Variants in SLC35B4 observed in about 807,000 individuals in gnomAD.
SLC35B4 encodes the protein solute carrier family 35 member B4, also known as nucleotide sugar transporter SLC35B4.
Under a neutral mutation model 39.5 loss-of-function variants are expected in SLC35B4, and 28 were observed. The observed-to-expected ratio is 0.71, with a 90% confidence interval of 0.53 to 0.97. SLC35B4 has a LOEUF of 0.97. Among genes scored for constraint, SLC35B4 ranks in the 50% least tolerant of loss-of-function variants. The pLI, the probability that SLC35B4 is intolerant of heterozygous loss-of-function variation, is 0.00. For missense variants in SLC35B4, 334 were observed against 414.3 expected (o/e 0.81, Z 1.68); for synonymous variants, 145 against 150.4 (o/e 0.96, Z 0.26).
chr7:134,315,654 A>AAAC (rs1385511770), intron 1 of SLC35B4, among the ~76,000 whole-genome samples: 15 of 142,256 alleles, frequency 1.1e-4, no homozygotes, highest in African/African-American at 4.1e-4. Flanking sequence ...AAAAAAAAAC[A>AAAC]AAAAACAAAA....
At chr7:134,308,238 T>C (rs535043468) in intron 2 of SLC35B4, among the ~76,000 whole-genome samples, 9 of 152,184 alleles carry the variant, frequency 5.9e-5, no homozygotes, top group African/African-American at 1.9e-4. Context: ...TAAAACGATA[T>C]TAAGTGAAAT....
intron 4 of SLC35B4, among the ~76,000 whole-genome samples, chr7:134,303,228 A>C (rs1322601772): frequency 6.6e-6 from 1 of 152,204 alleles, no homozygotes; most frequent in Non-Finnish European, 1.5e-5. Flanking sequence ...AGGCTTAGAT[A>C]GATGCAAGAT....
chr7:134,300,606 T>C (rs189010107), intron 6 of SLC35B4, among the ~76,000 whole-genome samples: 2 of 152,202 alleles, frequency 1.3e-5, no homozygotes, highest in African/African-American at 4.8e-5. Context: ...ATGATATGGA[T>C]GTAGCACACT....
Position 134,300,164 on chromosome 7 carries a change from A to C in SLC35B4, c.585T>G (p.Ala195=), listed in dbSNP as rs756209696. The change falls in exon 7 of 10, where the codon GCT becomes GCG. Residue 195 remains alanine, a synonymous_variant. Transcript: ENST00000378509. ...YKRFGKHSKE[A]LFYNHALPLP... The stretch of plus-strand genomic sequence containing the variant: ...GGAAGTTGCTTACATTATAAAACAA[A>C]GCCTCCTTGGAGTGTTTCCCAAATC... The C allele has an allele frequency of 6.2e-7, 1 of 1,607,064 alleles. No homozygotes were observed. Among genetic ancestry groups the C allele is most frequent in the South Asian group, 1.1e-5 (1 of 89,242 alleles).
At chr7:134,299,725 T>G (rs1803537208) in intron 7 of SLC35B4, 127 bp from the exon 8 acceptor site, 7 of 748,110 alleles carry the variant, frequency 9.4e-6, no homozygotes, top group Non-Finnish European at 1.5e-5. Context: ...AAGTTAGACT[T>G]AAGTTAAATG....
At chr7:134,301,648 C>T in intron 6 of SLC35B4, 113 bp downstream of exon 6, 15 of 984,806 alleles carry the variant, frequency 1.5e-5, no homozygotes, top group Non-Finnish European at 2.4e-5. Flanking sequence ...GCCTCTCTTC[C>T]ATGGCATAAT....
chr7:134,311,135 T>C (rs1455259346), intron 1 of SLC35B4, among the ~76,000 whole-genome samples: 2 of 152,232 alleles, frequency 1.3e-5, no homozygotes, highest in Non-Finnish European at 2.9e-5. Context: ...CCTTGAAAAC[T>C]GCTTTCTATT....
At chr7:134,306,256 TAA>T (rs138071576) in intron 3 of SLC35B4, among the ~76,000 whole-genome samples, 10 of 137,968 alleles carry the variant, frequency 7.2e-5, no homozygotes, top group Non-Finnish European at 1.1e-4. Flanking sequence ...AGTCTCTGCT[TAA>T]AAAAAAAAAA....
In SLC35B4 at chr7:134,296,442, C is replaced by T; in HGVS notation, c.698G>A (p.Gly233Glu). The change falls in exon 9 of 10, where the codon GGA becomes GAA. Residue 233 changes from glycine (G) to glutamate (E), a missense_variant. Coordinates refer to ENST00000378509, the MANE Select transcript of SLC35B4 (RefSeq NM_032826.5). ...KSELYEIPVIGVTLPIMWFYL... is the reference protein window; with the variant it reads ...KSELYEIPVIEVTLPIMWFYL... ...GAACCACATGATGGGCAGGGTCACTCCGATGACGGGAATTTCATATAACTC... is the reference window on the plus strand; with the variant it reads ...GAACCACATGATGGGCAGGGTCACTTCGATGACGGGAATTTCATATAACTC... The T allele has an allele frequency of 6.2e-7, 1 of 1,613,852 alleles. No homozygotes were observed. The highest frequency in any genetic ancestry group is 2.2e-5 in the East Asian group (1 of 44,874).
intron 1 of SLC35B4, among the ~76,000 whole-genome samples, chr7:134,310,926 C>A (rs1169109221): frequency 2.0e-5 from 3 of 152,162 alleles, no homozygotes; most frequent in Non-Finnish European, 4.4e-5. Flanking sequence ...TATTAATATA[C>A]TGCTACTTAC....
At position 134,310,211 on chromosome 7, in the gene SLC35B4, C is replaced by G. The variant is rs187734326; in HGVS notation, c.78-732G>C. 3.4e-3 allele frequency among the ~76,000 whole-genome samples: 519 copies of G among 152,216 alleles called. 1 individual carries two copies. Among genetic ancestry groups the G allele is most frequent in the South Asian group, 0.017 (83 of 4,826 alleles). On this transcript the variant is annotated intron_variant, in intron 1 of 9. Coordinates refer to ENST00000378509, the MANE Select transcript of SLC35B4 (RefSeq NM_032826.5). ...TCTACTATTCTCTACAGCTCTTAAC[C>G]CAGTGTTTTGAATATATTAGGCACT...
chr7:134,295,895 T>A (rs1803455142), intron 9 of SLC35B4, among the ~76,000 whole-genome samples: 1 of 152,108 alleles, frequency 6.6e-6, no homozygotes, highest in Admixed American at 6.6e-5. Flanking sequence ...AATGGCATGA[T>A]CTCAGCTCAC....
intron 4 of SLC35B4, 48 bp from the exon 5 acceptor site, chr7:134,302,158 T>C (rs2117293552): frequency 6.8e-7 from 1 of 1,462,944 alleles, no homozygotes; most frequent in East Asian, 2.3e-5. Context: ...AAAGCACAGA[T>C]ATGAATTTCC....
intron 4 of SLC35B4, among the ~76,000 whole-genome samples, chr7:134,302,499 A>G (rs920257713): frequency 5.9e-5 from 9 of 152,200 alleles, no homozygotes; most frequent in African/African-American, 1.9e-4. Context: ...GTCCTAAGAC[A>G]CACTGTGCGA....
At chr7:134,295,305 C>A (rs922170071) in intron 9 of SLC35B4, 2 of 491,804 alleles carry the variant, frequency 4.1e-6, no homozygotes, top group Non-Finnish European at 7.3e-6. Context: ...CCCAATTATT[C>A]TTATGTTGGA....
chr7:134,305,501 C>G (rs1050265892), intron 3 of SLC35B4, among the ~76,000 whole-genome samples: 1 of 152,118 alleles, frequency 6.6e-6, no homozygotes, highest in Non-Finnish European at 1.5e-5. Context: ...TGTGGACCCA[C>G]GTGGTTTAAA....
chr7:134,301,049 C>G (rs569386349), intron 6 of SLC35B4, among the ~76,000 whole-genome samples: 38 of 152,228 alleles, frequency 2.5e-4, no homozygotes, highest in African/African-American at 9.1e-4. Flanking sequence ...GAGTATTTTT[C>G]TAATAGCACA....
At chr7:134,310,182 G>A (rs897549944) in intron 1 of SLC35B4, among the ~76,000 whole-genome samples, 2 of 152,178 alleles carry the variant, frequency 1.3e-5, no homozygotes, top group Non-Finnish European at 2.9e-5. Flanking sequence ...AAACACTGCC[G>A]TAGTCTACTA....
At chr7:134,298,268 G>A (rs1040814100) in intron 8 of SLC35B4, among the ~76,000 whole-genome samples, 4 of 152,110 alleles carry the variant, frequency 2.6e-5, no homozygotes, top group African/African-American at 7.2e-5. Flanking sequence ...GTTAACAAAC[G>A]TGATTACTTT....
Sources: gnomAD v4.1 joint callset for allele counts (sites outside exome capture counted in the v4.1 genomes callset) on GRCh38, gnomAD v4.1.1 for gene constraint, MANE v1.5 for transcripts, NCBI Gene and HGNC (gene_info 2026-07-23, HGNC 2026-07-21) for gene names.